Variants in SCO1 observed in about 807,000 individuals in gnomAD.
SCO1 encodes the protein cytochrome c oxidase assembly factor SCO1.
In SCO1, 23 loss-of-function variants were observed where a neutral mutation model predicts 34.0. The observed-to-expected ratio is 0.68, with a 90% CI of 0.49 to 0.96. The LOEUF (loss-of-function observed/expected upper bound fraction) is 0.96. Among genes scored for constraint, SCO1 ranks in the 40% least tolerant of loss-of-function variants. SCO1 has a pLI of 0.00. For missense variants in SCO1, 404 were observed against 381.6 expected (o/e 1.06, Z -0.49); for synonymous variants, 161 against 145.5 (o/e 1.11, Z -0.77).
intron 5 of SCO1, among the ~76,000 whole-genome samples, chr17:10,686,357 G>T (rs919153840): frequency 6.6e-6 from 1 of 152,210 alleles, no homozygotes; most frequent in Non-Finnish European, 1.5e-5. Context: ...GGGAGGCTGA[G>T]GCGGGTAAGG....
At chr17:10,693,778 G>A (rs1383131106) in intron 2 of SCO1, among the ~76,000 whole-genome samples, 1 of 152,200 alleles carries the variant, frequency 6.6e-6, no homozygotes, top group Non-Finnish European at 1.5e-5. Context: ...GCAGAACTTA[G>A]AGAATATTGG....
At position 10,696,374 on chromosome 17, in the gene SCO1, G is replaced by A. The variant is rs367721419; in HGVS notation, c.274-543C>T. Among the ~76,000 whole-genome samples the A allele has an allele frequency of 3.9e-5, 6 of 152,130 alleles. No individual in the cohort carries two copies. The East Asian group carries it at 5.8e-4, about 15-fold the overall frequency. On this transcript the variant is annotated intron_variant, in intron 1 of 5. Transcript: ENST00000255390. ...GCAGGAGAATCGCTTGAACCCGGGA[G>A]GCGGACGTTGCAGTGGGCCGAGATA...
At chr17:10,695,974 C>A in intron 1 of SCO1, 143 bp from the exon 2 acceptor site, 1 of 616,374 alleles carries the variant, frequency 1.6e-6, no homozygotes, top group South Asian at 1.6e-5. Context: ...TGAGAAAATG[C>A]TCAAAGTTTC....
rs1003982604 is a variant in SCO1 at position 10,676,271 on chromosome 17, T to C, written c.*4848A>G. On this transcript the variant is annotated 3_prime_UTR_variant, in exon 6 of 6. Coordinates refer to ENST00000255390, the MANE Select transcript of SCO1 (RefSeq NM_004589.4). ...CACGCCCGGCTAACTTTGGTATTTT[T>C]AGTAGAGACGGGTTTCTCCATGTTG... 1 of 152,196 alleles carries C rather than the reference T, an allele frequency of 6.6e-6. No homozygotes were observed. Among genetic ancestry groups the C allele is most frequent in the Non-Finnish European group, 1.5e-5 (1 of 68,088 alleles). The allele number at this position is 152,196 out of a possible 1,614,324, so 9.4% of individuals were successfully genotyped here.
intron 1 of SCO1, among the ~76,000 whole-genome samples, chr17:10,696,359 C>T (rs1338607026): frequency 1.3e-5 from 2 of 152,068 alleles, no homozygotes; most frequent in African/African-American, 4.8e-5. Flanking sequence ...GCAGGAGAAT[C>T]GCTTGAACCC....
At chr17:10,697,133 G>A (rs1018072016) in intron 1 of SCO1, 102 bp downstream of exon 1, 1 of 1,142,932 alleles carries the variant, frequency 8.7e-7, no homozygotes. Context: ...ACAACTTTAG[G>A]GGAGGCGGAG....
In SCO1 at chr17:10,697,510, G is replaced by GCCTCGGAGACCGGGTCTCCTTTGAC; in HGVS notation, c.-4_-3insGTCAAAGGAGACCCGGTCTCCGAGG. 6.2e-7 allele frequency: 1 copy of GCCTCGGAGACCGGGTCTCCTTTGAC among 1,613,272 alleles called. No homozygotes were observed. The highest frequency in any genetic ancestry group is 1.1e-5 in the South Asian group (1 of 91,018). On this transcript the variant is annotated 5_prime_UTR_variant, in exon 1 of 6. Transcript: ENST00000255390. ...GGTACTAGGACCAGCATCGCCATGA[G>GCCTCGGAGACCGGGTCTCCTTTGAC]CCTCGGAGACCGGGTCTCCTTTGAC... is the stretch of plus-strand genomic sequence containing the variant.
At chr17:10,695,577 T>A (rs1036213444) in intron 2 of SCO1, 164 bp downstream of exon 2, 16 of 581,268 alleles carry the variant, frequency 2.8e-5, no homozygotes, top group Non-Finnish European at 4.9e-5. Context: ...ATGTTAATAT[T>A]AGGGGAAGCT....
chr17:10,683,089 A>T (rs1458301855), intron 5 of SCO1, among the ~76,000 whole-genome samples: 1 of 152,228 alleles, frequency 6.6e-6, no homozygotes, highest in Non-Finnish European at 1.5e-5. Flanking sequence ...GTTAATGTAT[A>T]CAATGAAAAT....
intron 5 of SCO1, among the ~76,000 whole-genome samples, chr17:10,685,709 TTC>T (rs536135890): frequency 1.3e-5 from 2 of 152,222 alleles, no homozygotes; most frequent in Non-Finnish European, 2.9e-5. Context: ...CTAAAACTGG[TTC>T]TCCAGAAGAG....
Position 10,677,947 on chromosome 17 carries a change from C to G in SCO1, c.*3172G>C, listed in dbSNP as rs558155259. On this transcript the variant is annotated 3_prime_UTR_variant, in exon 6 of 6. Transcript: ENST00000255390. ...TCTGACCAACATAGAGAAACCCAGTCTCTACTAAAAATACAAAATTAGCCG... is the reference window on the plus strand; with the variant it reads ...TCTGACCAACATAGAGAAACCCAGTGTCTACTAAAAATACAAAATTAGCCG... 46 of 152,240 alleles carry G rather than the reference C, an allele frequency of 3.0e-4. No homozygotes were observed. The highest frequency in any genetic ancestry group is 1.1e-3 in the African/African-American group (45 of 41,532). 9.4% of individuals were successfully genotyped at this position (152,240 alleles called of 1,614,324 possible).
chr17:10,695,616 T>C (rs1020455118), intron 2 of SCO1, 125 bp downstream of exon 2: 3 of 691,544 alleles, frequency 4.3e-6, no homozygotes, highest in African/African-American at 3.6e-5. Context: ...ACCTATGCTA[T>C]CTTTGCAATT....
chr17:10,676,246 C>G lies in SCO1; in HGVS notation c.*4873G>C, dbSNP rs1213133628. The G allele has an allele frequency of 1.3e-5, 2 of 152,238 alleles. No individual in the cohort carries two copies. The highest frequency in any genetic ancestry group is 4.8e-5 in the African/African-American group (2 of 41,438). The allele number at this position is 152,238 out of a possible 1,614,324, so 9.4% of individuals were successfully genotyped here. A position where few individuals can be genotyped will look rare whatever the true frequency, so the allele number is the denominator to read the frequency against. ...AGCTGGGATTACAGGCACCCGCCAC[C>G]ACGCCCGGCTAACTTTGGTATTTTT... On this transcript the variant is annotated 3_prime_UTR_variant, in exon 6 of 6. Transcript: ENST00000255390.
chr17:10,675,773 A>G lies in SCO1; in HGVS notation c.*5346T>C, dbSNP rs1240087624. 6.6e-6 allele frequency: 1 copy of G among 152,194 alleles called. No individual in the cohort carries two copies. The highest frequency in any genetic ancestry group is 1.5e-5 in the Non-Finnish European group (1 of 68,042). The allele number at this position is 152,194 out of a possible 1,614,324, so 9.4% of individuals were successfully genotyped here. On this transcript the variant is annotated 3_prime_UTR_variant, in exon 6 of 6. Transcript: ENST00000255390. Reference sequence around the variant, plus strand: ...ACCCAACAACGAGGACAAATGCGTTAGTCTTTTTAAACTGGTCCAACCTGA... The same window carrying G: ...ACCCAACAACGAGGACAAATGCGTTGGTCTTTTTAAACTGGTCCAACCTGA...
intron 1 of SCO1, among the ~76,000 whole-genome samples, chr17:10,696,331 GCTACACGGGA>G (rs2074726067): frequency 6.6e-6 from 1 of 152,050 alleles, no homozygotes; most frequent in African/African-American, 2.4e-5. Context: ...TCTAAACCCA[GCTACACGGGA>G]GGCTGAGGCA....
Position 10,679,506 on chromosome 17 carries a change from C to T in SCO1, c.*1613G>A, listed in dbSNP as rs543696423. The T allele has an allele frequency of 1.3e-5, 2 of 152,072 alleles. No individual in the cohort carries two copies. Among genetic ancestry groups the T allele is most frequent in the East Asian group, 1.9e-4 (1 of 5,184 alleles). 9.4% of individuals were successfully genotyped at this position (152,072 alleles called of 1,614,324 possible). ...AAAACCAAAAGACCTCTATCATGTG[C>T]GTGTAGAAACATATCATGTAAAAAG... On this transcript the variant is annotated 3_prime_UTR_variant, in exon 6 of 6. Transcript: ENST00000255390.
Position 10,697,366 on chromosome 17 carries a change from G to C in SCO1, c.142C>G (p.Gln48Glu). ...CCCGAGGCACGCCACGCCTCCGCTT[G>C]CCGCGCGCAGAACTGCCTCAGCAAG... ...RVLLRQFCAR[Q>E]AEAWRASGRP... Residue 48 changes from glutamine to glutamate, a missense_variant, in exon 1 of 6, where the codon CAA becomes GAA. Physicochemically the swap from Gln to Glu is conservative, Grantham distance 29. Coordinates refer to ENST00000255390, the MANE Select transcript of SCO1 (RefSeq NM_004589.4). 1 of 1,594,756 alleles carries C rather than the reference G, an allele frequency of 6.3e-7. No homozygotes were observed. Among genetic ancestry groups the C allele is most frequent in the Middle Eastern group, 1.7e-4 (1 of 5,996 alleles).
At chr17:10,688,185 C>T (rs548596948) in intron 4 of SCO1, among the ~76,000 whole-genome samples, 1 of 152,268 alleles carries the variant, frequency 6.6e-6, no homozygotes, top group South Asian at 2.1e-4. Context: ...CTGAAAACTG[C>T]TGTTTGAAAG....
rs374849575 is a variant in SCO1 at position 10,697,341 on chromosome 17, C to T, written c.167G>A (p.Gly56Glu). 4.2e-4 allele frequency: 664 copies of T among 1,577,658 alleles called. 6 individuals carry two copies. In the South Asian group the frequency reaches 7.1e-3, roughly 17 times the overall value. ...GGTTCCCAGGCAATAGCCAGGGCGC[C>T]CCGAGGCACGCCACGCCTCCGCTTG... ...ARQAEAWRAS[G>E]RPGYCLGTRP... Residue 56 changes from glycine to glutamate, a missense_variant, in exon 1 of 6, where the codon GGG (glycine) becomes GAG (glutamate). Transcript: ENST00000255390.
Sources: allele counts gnomAD v4.1 joint callset (sites outside exome capture counted in the v4.1 genomes callset), GRCh38; gene constraint gnomAD v4.1.1; transcripts MANE v1.5; gene names NCBI Gene and HGNC (gene_info 2026-07-23, HGNC 2026-07-21).